MCTP2: variants seen among roughly 807,000 people sequenced by gnomAD.
MCTP2 encodes the protein multiple C2 and transmembrane domain containing 2.
MCTP2 carries 132 observed loss-of-function variants against 111.6 expected under a neutral mutation model. That is an observed-to-expected ratio of 1.18 (90% CI 1.03 to 1.37). The LOEUF (loss-of-function observed/expected upper bound fraction) is 1.37. Ranked by LOEUF, MCTP2 falls within the 40% of genes most tolerant of loss-of-function variation. MCTP2 has a pLI of 0.00. For missense variants in MCTP2, 1,183 were observed against 1,067.9 expected (o/e 1.11, Z -1.50); for synonymous variants, 395 against 387.7 (o/e 1.02, Z -0.22).
chr15:94,400,655 C>T (rs915154700), intron 16 of MCTP2, among the ~76,000 whole-genome samples: 1 of 149,604 alleles, frequency 6.7e-6, no homozygotes, highest in African/African-American at 2.5e-5. Context: ...GAGTCCCTCC[C>T]TGTTGTACTC....
At chr15:94,390,098 A>ATATACG (rs2080842338) in intron 14 of MCTP2, among the ~76,000 whole-genome samples, 2 of 34,426 alleles carry the variant, frequency 5.8e-5, no homozygotes, top group African/African-American at 2.6e-4. Context: ...ATGTATATAT[A>ATATACG]TATATATATA....
intron 2 of MCTP2, among the ~76,000 whole-genome samples, chr15:94,308,331 T>C (rs12914375): frequency 0.17 from 25,938 of 152,222 alleles, 2,450 homozygotes; most frequent in Middle Eastern, 0.23. Context: ...AGCTGCTTCC[T>C]GGTCAGGCGA....
chr15:94,429,546 C>A (rs537189758), intron 17 of MCTP2, among the ~76,000 whole-genome samples: 1 of 152,274 alleles, frequency 6.6e-6, no homozygotes, highest in South Asian at 2.1e-4. Flanking sequence ...AATACTTTAT[C>A]TATTTTCAAG....
chr15:94,381,590 T>C (rs1166108441), intron 12 of MCTP2, among the ~76,000 whole-genome samples: 1 of 152,186 alleles, frequency 6.6e-6, no homozygotes, highest in East Asian at 1.9e-4. Flanking sequence ...TCATTAAAAG[T>C]GTCAGACGGT....
intron 10 of MCTP2, among the ~76,000 whole-genome samples, chr15:94,360,662 T>C (rs1053969574): frequency 6.6e-6 from 1 of 152,182 alleles, no homozygotes; most frequent in Admixed American, 6.5e-5. Context: ...CTTCACATAA[T>C]AGGAAACGCT....
chr15:94,376,503 C>T lies in MCTP2; in HGVS notation c.1582+6323C>T, dbSNP rs373951799. On this transcript the variant is annotated intron_variant, in intron 12 of 22. Coordinates refer to ENST00000357742, the MANE Select transcript of MCTP2 (RefSeq NM_001385001.1). ...GGCTCCCTCTAAGCCTCCATGTCCTCATGGGTATTTTAAGGGTTAAATCAA... is the reference window on the plus strand; with the variant it reads ...GGCTCCCTCTAAGCCTCCATGTCCTTATGGGTATTTTAAGGGTTAAATCAA... 5.3e-5 allele frequency among the ~76,000 whole-genome samples: 8 copies of T among 152,304 alleles called. 1 individual carries two copies. The highest frequency in any genetic ancestry group is 2.0e-4 in the Admixed American group (3 of 15,294).
intron 17 of MCTP2, among the ~76,000 whole-genome samples, chr15:94,434,353 C>A (rs1287488505): frequency 6.6e-6 from 1 of 151,452 alleles, no homozygotes; most frequent in Non-Finnish European, 1.5e-5. Flanking sequence ...GCTGAGATTA[C>A]AGGGGTGAGC....
Position 94,298,562 on chromosome 15 carries a change from TGAA to T in MCTP2, c.304_306del (p.Glu102del). The T allele has an allele frequency of 6.2e-6, 10 of 1,614,122 alleles. No homozygotes were observed. The highest frequency in any genetic ancestry group is 8.5e-6 in the Non-Finnish European group (10 of 1,180,026). On this transcript the variant is annotated inframe_deletion, in exon 2 of 23. Transcript: ENST00000357742. ...GCAGCAGTAGCTCCTTGAAACAGTC[TGAA>T]GAAGAATTGGATTGGAGCCAGGAAG... is the stretch of plus-strand genomic sequence containing the variant.
chr15:94,322,085 T>C (rs1437734179), intron 4 of MCTP2, among the ~76,000 whole-genome samples: 3 of 152,188 alleles, frequency 2.0e-5, no homozygotes, highest in African/African-American at 7.2e-5. Flanking sequence ...ACCCTTGCAG[T>C]TGTTCAAATG....
At chr15:94,392,737 A>G (rs1309264230) in intron 14 of MCTP2, among the ~76,000 whole-genome samples, 1 of 151,918 alleles carries the variant, frequency 6.6e-6, no homozygotes, top group Non-Finnish European at 1.5e-5. Flanking sequence ...AATCGCCTGA[A>G]CCTGGGAGAC....
At chr15:94,258,034 ATTTTTTT>A (rs60905293) in intron 1 of MCTP2, among the ~76,000 whole-genome samples, 18 of 98,990 alleles carry the variant, frequency 1.8e-4, no homozygotes, top group Non-Finnish European at 2.9e-4. Flanking sequence ...CCACCATGTC[ATTTTTTT>A]TTTTTTTTTT....
intron 1 of MCTP2, among the ~76,000 whole-genome samples, chr15:94,250,746 TA>T (rs2072357227): frequency 6.6e-6 from 1 of 152,250 alleles, no homozygotes; most frequent in African/African-American, 2.4e-5. Context: ...TTTTGATTTT[TA>T]TGCTACTTAT....
chr15:94,335,093 C>A (rs1301106621), intron 4 of MCTP2, among the ~76,000 whole-genome samples: 1 of 152,126 alleles, frequency 6.6e-6, no homozygotes, highest in African/African-American at 2.4e-5. Context: ...CTGTCTGTTG[C>A]TATATTTTCT....
At chr15:94,424,168 ATTTAC>A (rs2082762435) in intron 17 of MCTP2, among the ~76,000 whole-genome samples, 1 of 152,240 alleles carries the variant, frequency 6.6e-6, no homozygotes, top group South Asian at 2.1e-4. Context: ...ACTTGCATTT[ATTTAC>A]TTAGTATCGT....
intron 12 of MCTP2, among the ~76,000 whole-genome samples, chr15:94,376,683 A>C (rs1275266984): frequency 1.3e-5 from 2 of 152,212 alleles, no homozygotes; most frequent in African/African-American, 4.8e-5. Context: ...ATTTTAGATC[A>C]TGTTAGACAT....
intron 10 of MCTP2, among the ~76,000 whole-genome samples, chr15:94,363,884 C>T (rs970414533): frequency 1.3e-5 from 2 of 152,098 alleles, no homozygotes; most frequent in African/African-American, 4.8e-5. Context: ...CTAATTGGTT[C>T]ATGCTCATTA....
In MCTP2 at chr15:94,470,628, A is replaced by G. The variant is rs111439482; in HGVS notation, c.2470+186A>G. Among the ~76,000 whole-genome samples the G allele has an allele frequency of 5.2e-3, 793 of 152,348 alleles. 4 individuals carry two copies. Among genetic ancestry groups the G allele is most frequent in the African/African-American group, 0.018 (760 of 41,582 alleles). On this transcript the variant is annotated intron_variant, in intron 21 of 22. Transcript: ENST00000357742. ...AAGGCCAGTTGCATGAGTGATCAGC[A>G]TAGATATTTATAGGCCTCTTGCATA...
intron 17 of MCTP2, among the ~76,000 whole-genome samples, chr15:94,436,360 C>CT (rs2083474558): frequency 6.6e-6 from 1 of 152,044 alleles, no homozygotes; most frequent in Non-Finnish European, 1.5e-5. Context: ...GATAATTAGA[C>CT]TTTTTTTCTA....
chr15:94,272,870 C>T (rs1298527214), intron 1 of MCTP2, among the ~76,000 whole-genome samples: 1 of 152,162 alleles, frequency 6.6e-6, no homozygotes, highest in African/African-American at 2.4e-5. Flanking sequence ...CAATGTCATC[C>T]ATTACCATGC....
Sources: gnomAD v4.1 joint callset for allele counts (sites outside exome capture counted in the v4.1 genomes callset) on GRCh38, gnomAD v4.1.1 for gene constraint, MANE v1.5 for transcripts, NCBI Gene and HGNC (gene_info 2026-07-23, HGNC 2026-07-21) for gene names.